The following KPNA5 variants were observed in gnomAD, a reference collection of about 807,000 sequenced individuals.
KPNA5 encodes importin subunit alpha-6.
KPNA5 carries 46 observed loss-of-function variants against 71.3 expected under a neutral mutation model. The observed-to-expected ratio is 0.65, with a 90% CI of 0.51 to 0.83. The LOEUF (loss-of-function observed/expected upper bound fraction) is 0.83. Ranked by LOEUF, KPNA5 falls within the 40% of genes least tolerant of loss-of-function variation. The pLI is 0.00. For missense variants in KPNA5, 547 were observed against 628.3 expected (o/e 0.87, Z 1.38); for synonymous variants, 207 against 201.4 (o/e 1.03, Z -0.24).
At chr6:116,692,506 A>G (rs1777842637) in intron 4 of KPNA5, 114 bp downstream of exon 4, 2 of 664,082 alleles carry the variant, frequency 3.0e-6, no homozygotes, top group Non-Finnish European at 5.2e-6. Flanking sequence ...CACAGGTGTT[A>G]TATTCTCTGC....
intron 4 of KPNA5, among the ~76,000 whole-genome samples, chr6:116,693,327 G>C (rs1355399093): frequency 1.3e-5 from 2 of 152,162 alleles, no homozygotes; most frequent in African/African-American, 4.8e-5. Context: ...TTCCACCATG[G>C]TTGAACTAGT....
chr6:116,740,086 A>G lies in KPNA5; in HGVS notation c.*7763A>G, dbSNP rs1417046603. 6.6e-6 allele frequency: 1 copy of G among 151,858 alleles called. No individual in the cohort carries two copies. The highest frequency in any genetic ancestry group is 2.4e-5 in the African/African-American group (1 of 41,402). 9.4% of individuals were successfully genotyped at this position (151,858 alleles called of 1,614,324 possible). On this transcript the variant is annotated 3_prime_UTR_variant, in exon 14 of 14. Transcript: ENST00000368564. ...ACCTACAAAATGGGAGAAAATTTTC[A>G]CAACCTACTCATCTGACAAAGGGCT...
chr6:116,716,758 ATTG>A, intron 8 of KPNA5, among the ~76,000 whole-genome samples: 1 of 152,280 alleles, frequency 6.6e-6, no homozygotes, highest in South Asian at 2.1e-4. Flanking sequence ...GTTTAGTTGT[ATTG>A]TTTAAGATGC....
intron 8 of KPNA5, among the ~76,000 whole-genome samples, chr6:116,718,173 G>T (rs1326909573): frequency 3.3e-5 from 5 of 151,812 alleles, no homozygotes; most frequent in Admixed American, 3.3e-4. Flanking sequence ...CACCCCATGA[G>T]TATACCTGAC....
rs1777705681 is a variant in KPNA5 at position 116,689,353 on chromosome 6, G to T, written c.38G>T (p.Arg13Ile). 2 of 1,607,880 alleles carry T rather than the reference G, an allele frequency of 1.2e-6. No homozygotes were observed. Among genetic ancestry groups the T allele is most frequent in the South Asian group, 1.1e-5 (1 of 89,846 alleles). Residue 13 changes from arginine (R) to isoleucine (I), a missense_variant, in exon 2 of 14, where the codon AGA becomes ATA. Physicochemically the swap from Arg to Ile is moderately conservative, Grantham distance 97 (BLOSUM62 -3). Transcript: ENST00000368564. ...GCTAGTCCAGGGAAAGATAACTATAGAATGAAAAGTTATAAGAATAAAGCC... is the reference window on the plus strand; with the variant it reads ...GCTAGTCCAGGGAAAGATAACTATATAATGAAAAGTTATAAGAATAAAGCC... ...AMASPGKDNY[R>I]MKSYKNKALN...
At chr6:116,684,109 C>T (rs189893746) in intron 1 of KPNA5, among the ~76,000 whole-genome samples, 21 of 151,728 alleles carry the variant, frequency 1.4e-4, no homozygotes, top group Non-Finnish European at 2.8e-4. Context: ...GACAGGGTTT[C>T]ACTATATTGG....
chr6:116,732,074 T>TTTTATATATATATATATATATATA lies in KPNA5; in HGVS notation c.1433-61_1433-60insTTATATATATATATATATATATAT, dbSNP rs1463339776. ...TACTGAAATTGTAGTAACAGTTTGT[T>TTTTATATATATATATATATATATA]TATATATATATATATATATATATAT... On this transcript the variant is annotated intron_variant, in intron 13 of 13. Transcript: ENST00000368564. 2.4e-4 allele frequency: 16 copies of TTTTATATATATATATATATATATA among 66,296 alleles called. 2 individuals carry two copies. The highest frequency in any genetic ancestry group is 3.9e-4 in the African/African-American group (6 of 15,412). The allele number at this position is 66,296 out of a possible 1,614,324, so 4.1% of individuals were successfully genotyped here.
intron 13 of KPNA5, among the ~76,000 whole-genome samples, chr6:116,731,816 G>C (rs1366635211): frequency 6.6e-6 from 1 of 151,662 alleles, no homozygotes; most frequent in Non-Finnish European, 1.5e-5. Context: ...TTTTACAGTT[G>C]AGAAACAGAA....
At chr6:116,728,366 AAC>A (rs1218618489) in intron 12 of KPNA5, among the ~76,000 whole-genome samples, 1 of 152,094 alleles carries the variant, frequency 6.6e-6, no homozygotes, top group African/African-American at 2.4e-5. Flanking sequence ...TTATTTTTCT[AAC>A]CACTTTTATC....
At chr6:116,693,674 C>T (rs987006558) in intron 4 of KPNA5, among the ~76,000 whole-genome samples, 1 of 152,108 alleles carries the variant, frequency 6.6e-6, no homozygotes, top group South Asian at 2.1e-4. Context: ...AATTTTCTCC[C>T]ATTTTGTAGG....
At chr6:116,689,247 C>G in intron 1 of KPNA5, 73 bp from the exon 2 acceptor site, 1 of 1,487,262 alleles carries the variant, frequency 6.7e-7, no homozygotes, top group Non-Finnish European at 9.1e-7. Context: ...AATTTAGTTG[C>G]TAGATTAAGT....
rs1779836259 is a variant in KPNA5, at chr6:116,740,560, C to G, written c.*8237C>G. On this transcript the variant is annotated 3_prime_UTR_variant, in exon 14 of 14. Coordinates refer to ENST00000368564, the MANE Select transcript of KPNA5 (RefSeq NM_001366306.2). ...ACATGCACACATATGTTTATTGCAG[C>G]ACTATTCACGATAGCAAAGACTTGG... 6.6e-6 allele frequency: 1 copy of G among 152,112 alleles called. No individual in the cohort carries two copies. 9.4% of individuals were successfully genotyped at this position (152,112 alleles called of 1,614,324 possible).
chr6:116,726,808 A>G (rs1309816821), intron 12 of KPNA5, among the ~76,000 whole-genome samples, 186 bp downstream of exon 12: 1 of 152,092 alleles, frequency 6.6e-6, no homozygotes, highest in Admixed American at 6.6e-5. Flanking sequence ...CGTGTAATTA[A>G]CATCATTCTC....
At chr6:116,704,731 C>T (rs762645974) in intron 6 of KPNA5, among the ~76,000 whole-genome samples, 2 of 152,076 alleles carry the variant, frequency 1.3e-5, no homozygotes, top group Non-Finnish European at 2.9e-5. Flanking sequence ...CGTGCCACCA[C>T]ACCCAGCTAA....
intron 10 of KPNA5, among the ~76,000 whole-genome samples, chr6:116,725,441 C>T (rs531875336): frequency 6.6e-6 from 1 of 152,022 alleles, no homozygotes; most frequent in African/African-American, 2.4e-5. Context: ...GAGGTTGGAT[C>T]CTGACCTCGG....
chr6:116,739,982 C>A lies in KPNA5; in HGVS notation c.*7659C>A, dbSNP rs375475422. 6.6e-6 allele frequency: 1 copy of A among 151,898 alleles called. No homozygotes were observed. The highest frequency in any genetic ancestry group is 2.4e-5 in the African/African-American group (1 of 41,254). 9.4% of individuals were successfully genotyped at this position (151,898 alleles called of 1,614,324 possible). A position where few individuals can be genotyped will look rare whatever the true frequency, so the allele number is the denominator to read the frequency against. The stretch of plus-strand genomic sequence containing the variant: ...ACACCAAAAGCAATGGCAACAAAAG[C>A]CAAAATTGACAAATGGGATGTAATT... On this transcript the variant is annotated 3_prime_UTR_variant, in exon 14 of 14. Transcript: ENST00000368564.
intron 1 of KPNA5, 87 bp from the exon 2 acceptor site, chr6:116,689,233 C>T: frequency 7.2e-7 from 1 of 1,392,336 alleles, no homozygotes; most frequent in Non-Finnish European, 9.8e-7. Flanking sequence ...AATCAGTGAG[C>T]CTGAATTTAG....
At chr6:116,730,821 T>G (rs187988944) in intron 13 of KPNA5, among the ~76,000 whole-genome samples, 156 of 152,294 alleles carry the variant, frequency 1.0e-3, no homozygotes, top group Non-Finnish European at 1.0e-3. Context: ...CTTATCCAAA[T>G]TGCATATTTA....
At chr6:116,684,650 G>A (rs1024970471) in intron 1 of KPNA5, among the ~76,000 whole-genome samples, 1 of 151,932 alleles carries the variant, frequency 6.6e-6, no homozygotes, top group African/African-American at 2.4e-5. Context: ...AAAATATGAT[G>A]GTCCCCAAGA....
Sources: allele counts gnomAD v4.1 joint callset (sites outside exome capture counted in the v4.1 genomes callset), GRCh38; gene constraint gnomAD v4.1.1; transcripts MANE v1.5; gene names NCBI Gene and HGNC (gene_info 2026-07-23, HGNC 2026-07-21).